Variants in MBTD1 observed in about 807,000 individuals in gnomAD.
MBTD1 encodes MBT domain-containing protein 1.
MBTD1 carries 24 observed loss-of-function variants against 87.8 expected under a neutral mutation model. That is an observed-to-expected ratio of 0.27 (90% CI 0.20 to 0.38). The LOEUF is 0.38. Ranked by LOEUF, MBTD1 falls within the 10% of genes least tolerant of loss-of-function variation. The pLI is 1.00. For missense variants in MBTD1, 436 were observed against 760.2 expected (o/e 0.57, Z 5.02); for synonymous variants, 237 against 248.6 (o/e 0.95, Z 0.44).
rs180858846 is a variant in MBTD1 at position 51,227,004 on chromosome 17, A to C, written c.-48-1795T>G. Reference sequence around the variant, plus strand: ...ACGCCTGTAATCCCAGTACTTCGGGAGGCCGAGGCAGGCGGATCACAAGGT... The same window carrying C: ...ACGCCTGTAATCCCAGTACTTCGGGCGGCCGAGGCAGGCGGATCACAAGGT... On this transcript the variant is annotated intron_variant, in intron 2 of 16. Transcript: ENST00000586178. Among the ~76,000 whole-genome samples, 29 of 152,000 alleles carry C rather than the reference A, an allele frequency of 1.9e-4. No individual in the cohort carries two copies. In the East Asian group the frequency reaches 5.0e-3, roughly 26 times the overall value.
chr17:51,196,522 T>G (rs2145130754), intron 12 of MBTD1, among the ~76,000 whole-genome samples: 1 of 152,222 alleles, frequency 6.6e-6, no homozygotes, highest in South Asian at 2.1e-4. Context: ...CTTCCCCATC[T>G]TGCCCTATTA....
At chr17:51,197,687 T>G in intron 12 of MBTD1, among the ~76,000 whole-genome samples, 1 of 151,992 alleles carries the variant, frequency 6.6e-6, no homozygotes, top group East Asian at 1.9e-4. Flanking sequence ...GTAGAGACAG[T>G]GTTTTGCCCT....
intron 16 of MBTD1, among the ~76,000 whole-genome samples, chr17:51,187,912 T>G (rs1300742706): frequency 6.7e-6 from 1 of 148,840 alleles, no homozygotes; most frequent in African/African-American, 2.5e-5. Flanking sequence ...GTGACTGAGT[T>G]ATGTCTGTTT....
chr17:51,207,062 C>T (rs1343095250), intron 6 of MBTD1, 57 bp from the exon 7 acceptor site: 19 of 918,996 alleles, frequency 2.1e-5, no homozygotes, highest in Non-Finnish European at 3.1e-5. Context: ...TAAAACATAT[C>T]AATGAAAATT....
chr17:51,259,777 G>C (rs1321824291), intron 1 of MBTD1, 58 bp downstream of exon 1: 1 of 1,231,384 alleles, frequency 8.1e-7, no homozygotes, highest in Non-Finnish European at 1.0e-6. Context: ...TGGGGTCGGA[G>C]AGCTGCAGGC....
chr17:51,193,713 G>A (rs1428338887), intron 13 of MBTD1, among the ~76,000 whole-genome samples: 2 of 152,150 alleles, frequency 1.3e-5, no homozygotes, highest in African/African-American at 4.8e-5. Flanking sequence ...CAACCTCCAG[G>A]GCTCAAGTGA....
At chr17:51,217,281 G>T (rs968634858) in intron 6 of MBTD1, 53 bp downstream of exon 6, 16 of 1,059,156 alleles carry the variant, frequency 1.5e-5, no homozygotes, top group African/African-American at 4.9e-5. Context: ...TGTACCTTCA[G>T]ATTTAAACAA....
intron 6 of MBTD1, among the ~76,000 whole-genome samples, chr17:51,212,357 C>CAAAA (rs60857354): frequency 7.4e-6 from 1 of 135,832 alleles, no homozygotes; most frequent in Non-Finnish European, 1.6e-5. Context: ...GACTCCGCCT[C>CAAAA]AAAAAAAAAA....
At position 51,179,486 on chromosome 17, in the gene MBTD1, A is replaced by ATATATATATATATATT. The variant is rs2050205260; in HGVS notation, c.*1089_*1090insAATATATATATATATA. On this transcript the variant is annotated 3_prime_UTR_variant, in exon 17 of 17. Coordinates refer to ENST00000586178, the MANE Select transcript of MBTD1 (RefSeq NM_017643.3). ...CCTGAATACAATTAAAGACAATTTT[A>ATATATATATATATATT]TATATATATATATATATATATATAT... 1 of 15,016 alleles carries ATATATATATATATATT rather than the reference A, an allele frequency of 6.7e-5. No homozygotes were observed. The highest frequency in any genetic ancestry group is 1.4e-4 in the Non-Finnish European group (1 of 7,318). 0.9% of individuals were successfully genotyped at this position (15,016 alleles called of 1,614,324 possible).
intron 7 of MBTD1, among the ~76,000 whole-genome samples, chr17:51,205,719 A>T (rs904730085): frequency 1.3e-5 from 2 of 152,214 alleles, no homozygotes; most frequent in Non-Finnish European, 2.9e-5. Context: ...GGCATGTGGT[A>T]TATGGTGCAA....
chr17:51,238,115 G>T (rs563270496), intron 2 of MBTD1, among the ~76,000 whole-genome samples: 1 of 152,252 alleles, frequency 6.6e-6, no homozygotes, highest in East Asian at 1.9e-4. Context: ...GAAAAGGGGA[G>T]TTATAAAGGA....
chr17:51,179,010 TTGC>T lies in MBTD1; in HGVS notation c.*1563_*1565del, dbSNP rs2050185912. 6.6e-6 allele frequency: 1 copy of T among 152,154 alleles called. No homozygotes were observed. The highest frequency in any genetic ancestry group is 2.1e-4 in the South Asian group (1 of 4,830). 9.4% of individuals were successfully genotyped at this position (152,154 alleles called of 1,614,324 possible). On this transcript the variant is annotated 3_prime_UTR_variant, in exon 17 of 17. Coordinates refer to ENST00000586178, the MANE Select transcript of MBTD1 (RefSeq NM_017643.3). ...GTAGAGCAATATTTTAGAAAATAAA[TTGC>T]TGGTTTTTTTTAACGTTCTATGCAT...
chr17:51,251,544 T>C (rs2054784420), intron 2 of MBTD1: 1 of 152,244 alleles, frequency 6.6e-6, no homozygotes, highest in South Asian at 2.1e-4. Context: ...TGGATCTTTG[T>C]ACCTTGTCTA....
intron 6 of MBTD1, among the ~76,000 whole-genome samples, chr17:51,211,778 C>G (rs1034009229): frequency 6.8e-6 from 1 of 147,964 alleles, no homozygotes; most frequent in Non-Finnish European, 1.5e-5. Context: ...GGGGTCACGA[C>G]TAGGGAAAAA....
chr17:51,236,717 A>G (rs893096838), intron 2 of MBTD1, among the ~76,000 whole-genome samples: 6 of 152,068 alleles, frequency 3.9e-5, no homozygotes, highest in Admixed American at 2.0e-4. Context: ...TTATATATCT[A>G]TAGATATATA....
chr17:51,232,873 A>C (rs34125140), intron 2 of MBTD1, among the ~76,000 whole-genome samples: 1 of 151,830 alleles, frequency 6.6e-6, no homozygotes, highest in Non-Finnish European at 1.5e-5. Flanking sequence ...CACTGCCTCT[A>C]CAAAAAAATA....
intron 12 of MBTD1, among the ~76,000 whole-genome samples, chr17:51,200,944 C>CT (rs1338767613): frequency 6.6e-6 from 1 of 151,672 alleles, no homozygotes; most frequent in African/African-American, 2.4e-5. Flanking sequence ...GCCCAGGAAT[C>CT]TGAGACCAGC....
At chr17:51,237,441 TA>T in intron 2 of MBTD1, among the ~76,000 whole-genome samples, 1 of 152,138 alleles carries the variant, frequency 6.6e-6, no homozygotes, top group South Asian at 2.1e-4. Flanking sequence ...ACAGATTTGA[TA>T]AGGGGTTTGT....
rs142051620 is a variant in MBTD1 at position 51,203,393 on chromosome 17, T to G, written c.740-165A>C. On this transcript the variant is annotated intron_variant, in intron 8 of 16. Coordinates refer to ENST00000586178, the MANE Select transcript of MBTD1 (RefSeq NM_017643.3). ...TATGCCTTGCCAGCAAAAAGCTGCT[T>G]AACACCAAAAAAACTATTTTAATTT... Among the ~76,000 whole-genome samples the G allele has an allele frequency of 1.4e-3, 213 of 152,316 alleles. 2 individuals are homozygous for G. Among genetic ancestry groups the G allele is most frequent in the Admixed American group, 0.012 (184 of 15,294 alleles).
Sources: allele counts gnomAD v4.1 joint callset (sites outside exome capture counted in the v4.1 genomes callset), GRCh38; gene constraint gnomAD v4.1.1; transcripts MANE v1.5; gene names NCBI Gene and HGNC (gene_info 2026-07-23, HGNC 2026-07-21).